TDRKH: variants seen among roughly 807,000 people sequenced by gnomAD.
TDRKH encodes tudor and KH domain-containing protein.
TDRKH carries 28 observed loss-of-function variants against 61.3 expected under a neutral mutation model. The observed-to-expected ratio is 0.46, with a 90% confidence interval of 0.34 to 0.63. The LOEUF is 0.63. Ranked by LOEUF, TDRKH falls within the 20% of genes least tolerant of loss-of-function variation. The pLI is 0.01. For missense variants in TDRKH, 540 were observed against 683.4 expected (o/e 0.79, Z 2.34); for synonymous variants, 219 against 244.4 (o/e 0.90, Z 0.97).
intron 3 of TDRKH, 107 bp from the exon 4 acceptor site, chr1:151,780,247 G>T: frequency 9.0e-7 from 1 of 1,112,416 alleles, no homozygotes. Context: ...TTAGCCAAAG[G>T]AATTAGCTAA....
chr1:151,778,512 G>A lies in TDRKH; in HGVS notation c.883+173C>T, dbSNP rs1160971981. On this transcript the variant is annotated intron_variant, in intron 6 of 12. Coordinates refer to ENST00000368824, the MANE Select transcript of TDRKH (RefSeq NM_001083965.2). ...CCCTCAAACTGTCCAGCAACTGTTGGTGTGGATTCTACCTCCATCCCATCT... is the reference window on the plus strand; with the variant it reads ...CCCTCAAACTGTCCAGCAACTGTTGATGTGGATTCTACCTCCATCCCATCT... The A allele has an allele frequency of 3.9e-6, 6 of 1,550,162 alleles. No homozygotes were observed. In the African/African-American group the frequency reaches 5.4e-5, roughly 14 times the overall value.
At chr1:151,776,321 A>C (rs1413454250) in intron 7 of TDRKH, 53 bp from the exon 8 acceptor site, 3 of 1,600,010 alleles carry the variant, frequency 1.9e-6, no homozygotes, top group East Asian at 2.2e-5. Flanking sequence ...GTAGGCTCAT[A>C]AACAGAATTG....
chr1:151,789,150 C>CT lies in TDRKH; in HGVS notation c.-28+1229_-28+1230insA, dbSNP rs1558153098. Among the ~76,000 whole-genome samples the CT allele has an allele frequency of 1.8e-4, 27 of 152,278 alleles. No individual in the cohort carries two copies. The South Asian group carries it at 5.6e-3, about 32-fold the overall frequency. On this transcript the variant is annotated intron_variant, in intron 1 of 12. Coordinates refer to ENST00000368824, the MANE Select transcript of TDRKH (RefSeq NM_001083965.2). ...TGCAGCCTTGAACTCCCGCAGTCGT[C>CT]CGGCGTAGCTGAGATTATAGGTGCG...
At position 151,774,260 on chromosome 1, in the gene TDRKH, A is replaced by G; in HGVS notation, c.*192T>C. On this transcript the variant is annotated 3_prime_UTR_variant, in exon 13 of 13. Transcript: ENST00000368824. ...AGACAGAAATACACAAAAAGCTTGA[A>G]AGTGCTCAATCTGAGAGCAAGTTAA... 1.7e-6 allele frequency: 1 copy of G among 604,204 alleles called. No individual in the cohort carries two copies. Among genetic ancestry groups the G allele is most frequent in the East Asian group, 2.8e-5 (1 of 35,218 alleles). 37.4% of individuals were successfully genotyped at this position (604,204 alleles called of 1,614,324 possible). A position where few individuals can be genotyped will look rare whatever the true frequency, so the allele number is the denominator to read the frequency against.
At chr1:151,782,000 T>G (rs1049868118) in intron 2 of TDRKH, 4 of 457,806 alleles carry the variant, frequency 8.7e-6, no homozygotes, top group Middle Eastern at 3.2e-4. Flanking sequence ...GCCTTTGAGG[T>G]AAGTGCCTTC....
rs778232381 is a variant in TDRKH at position 151,776,487 on chromosome 1, T to C, written c.996A>G (p.Gln332=). 1.2e-6 allele frequency: 2 copies of C among 1,614,188 alleles called. No individual in the cohort carries two copies. The stretch of plus-strand genomic sequence containing the variant: ...TCATCTCATTGACAAGCTTATCCAA[T>C]TGCAGGCTGCGGGAGCCAACGATCT... ...WIQIVGSRSL[Q]LDKLVNEMTQ... Residue 332 remains glutamine (Q), a synonymous_variant, in exon 7 of 13, where the codon CAA becomes CAG. Transcript: ENST00000368824.
At chr1:151,774,830 A>G in intron 11 of TDRKH, 24 bp from the exon 12 acceptor site, 1 of 1,612,146 alleles carries the variant, frequency 6.2e-7, no homozygotes, top group South Asian at 1.1e-5. Context: ...AACAGGAAAA[A>G]AGGAGGAACA....
Position 151,776,005 on chromosome 1 carries a change from C to T in TDRKH, c.1217+91G>A, listed in dbSNP as rs1649131644. 3.2e-6 allele frequency: 5 copies of T among 1,570,566 alleles called. No homozygotes were observed. In the South Asian group the frequency reaches 3.5e-5, roughly 11 times the overall value. On this transcript the variant is annotated intron_variant, in intron 8 of 12. Coordinates refer to ENST00000368824, the MANE Select transcript of TDRKH (RefSeq NM_001083965.2). ...CATCTGCTCTCTGTAAACAGGTTCC[C>T]TTCCAAATCCCCCTGACAACTGCCA...
At chr1:151,773,232 C>G (rs759560785), downstream of TDRKH, among the ~76,000 whole-genome samples, 2 of 152,034 alleles carry the variant, frequency 1.3e-5, no homozygotes, top group African/African-American at 2.4e-5. Flanking sequence ...TTAGTAGAGA[C>G]AGGGTTTCAC....
intron 1 of TDRKH, among the ~76,000 whole-genome samples, chr1:151,784,932 C>T (rs1037815208): frequency 2.8e-5 from 4 of 145,076 alleles, no homozygotes; most frequent in Non-Finnish European, 4.5e-5. Context: ...AATGGCAATT[C>T]GTTTTTTTTT....
chr1:151,775,681 C>T, intron 9 of TDRKH, 138 bp from the exon 10 acceptor site: 1 of 1,484,852 alleles, frequency 6.7e-7, no homozygotes, highest in Non-Finnish European at 9.1e-7. Flanking sequence ...AAGTTTCTGG[C>T]TGCTGCTAGT....
In TDRKH at chr1:151,782,221, G is replaced by A. The variant is rs901222043; in HGVS notation, c.125-634C>T. Among the ~76,000 whole-genome samples, 4 of 152,286 alleles carry A rather than the reference G, an allele frequency of 2.6e-5. No individual in the cohort carries two copies. In the South Asian group the frequency reaches 8.3e-4, roughly 32 times the overall value. ...CTCATGCCTGTAATCTCAGCACTTT[G>A]GGAGGCCGAGGCAGGTGGATCACTT... On this transcript the variant is annotated intron_variant, in intron 2 of 12. Coordinates refer to ENST00000368824, the MANE Select transcript of TDRKH (RefSeq NM_001083965.2).
At chr1:151,789,981 T>A (rs1448068977) in intron 1 of TDRKH, among the ~76,000 whole-genome samples, 2 of 152,172 alleles carry the variant, frequency 1.3e-5, no homozygotes, top group African/African-American at 4.8e-5. Context: ...CCCAATGTAT[T>A]ATTCTGACGA....
At chr1:151,784,706 C>T (rs1650154619) in intron 1 of TDRKH, among the ~76,000 whole-genome samples, 1 of 152,122 alleles carries the variant, frequency 6.6e-6, no homozygotes, top group Non-Finnish European at 1.5e-5. Context: ...CCTTCGCCCT[C>T]TTCTCTGTTC....
At chr1:151,772,903 T>C (rs1648807770), downstream of TDRKH, among the ~76,000 whole-genome samples, 1 of 152,158 alleles carries the variant, frequency 6.6e-6, no homozygotes, top group Non-Finnish European at 1.5e-5. Context: ...TTTTTTTTTA[T>C]GAGACAAGGT....
At chr1:151,766,696 C>T (rs1648368588), downstream of TDRKH, 5 of 1,551,302 alleles carry the variant, frequency 3.2e-6, no homozygotes, top group Non-Finnish European at 2.6e-6. Context: ...CTTCACTTTG[C>T]CACAGGGAGG....
At chr1:151,781,628 C>A (rs1347383113) in intron 2 of TDRKH, 41 bp from the exon 3 acceptor site, 1 of 1,583,634 alleles carries the variant, frequency 6.3e-7, no homozygotes, top group Non-Finnish European at 8.7e-7. Flanking sequence ...TTAGATAACA[C>A]CCAAAGCTAG....
In TDRKH at chr1:151,773,834, T is replaced by G. The variant is rs1433916907; in HGVS notation, c.*618A>C. ...CAACTGGAGTCTTTGAGTTCACCAC[T>G]CAAAAGCTTTCCTTAACCAGAGTCA... is the stretch of plus-strand genomic sequence containing the variant. On this transcript the variant is annotated 3_prime_UTR_variant, in exon 13 of 13. Transcript: ENST00000368824. The G allele has an allele frequency of 6.6e-6, 1 of 152,150 alleles. No homozygotes were observed. The highest frequency in any genetic ancestry group is 1.5e-5 in the Non-Finnish European group (1 of 68,032). 9.4% of individuals were successfully genotyped at this position (152,150 alleles called of 1,614,324 possible).
At chr1:151,775,700 G>A in intron 9 of TDRKH, 120 bp downstream of exon 9, 1 of 1,490,624 alleles carries the variant, frequency 6.7e-7, no homozygotes, top group Non-Finnish European at 9.1e-7. Context: ...GTGCTGGTGA[G>A]GAAAAGGCAC....
Sources: allele counts gnomAD v4.1 joint callset (sites outside exome capture counted in the v4.1 genomes callset), GRCh38; gene constraint gnomAD v4.1.1; transcripts MANE v1.5; gene names NCBI Gene and HGNC (gene_info 2026-07-23, HGNC 2026-07-21).